NAT1: variants seen among roughly 807,000 people sequenced by gnomAD.
NAT1 encodes N-acetyltransferase 1.
For synonymous variants in NAT1, 144 were observed against 122.6 expected (o/e 1.17, Z -1.16); for missense variants, 400 against 339.2 (o/e 1.18, Z -1.41).
chr8:18,211,219 G>T (rs1589104208), intron 1 of NAT1: 1 of 152,220 alleles, frequency 6.6e-6, no homozygotes, highest in East Asian at 1.9e-4. Context: ...CCTGAACATG[G>T]ACTTGCAGAA....
intron 2 of NAT1, among the ~76,000 whole-genome samples, chr8:18,188,675 A>G (rs2027925): frequency 0.011 from 1,615 of 151,938 alleles, 81 homozygotes; most frequent in Admixed American, 0.084. Flanking sequence ...TAATTTTTTA[A>G]TTGATATGTA....
chr8:18,222,145 G>T lies in NAT1; in HGVS notation c.98G>T (p.Arg33Leu). The T allele has an allele frequency of 1.9e-6, 3 of 1,614,086 alleles. No homozygotes were observed. Among genetic ancestry groups the T allele is most frequent in the Non-Finnish European group, 2.5e-6 (3 of 1,179,996 alleles). The change falls in exon 3 of 3, where the codon CGA becomes CTA. Residue 33 changes from arginine to leucine, a missense_variant. Physicochemically the swap from Arg to Leu is moderately radical, Grantham distance 102. Coordinates refer to ENST00000307719, the MANE Select transcript of NAT1 (RefSeq NM_000662.8). ...TLTDILQHQI[R>L]AVPFENLNIH... ...ACTGACATTCTTCAACACCAGATCC[G>T]AGCTGTTCCCTTTGAGAACCTTAAC... is the stretch of plus-strand genomic sequence containing the variant.
At chr8:18,192,419 G>C (rs1256938923) in intron 2 of NAT1, among the ~76,000 whole-genome samples, 1 of 152,202 alleles carries the variant, frequency 6.6e-6, no homozygotes, top group African/African-American at 2.4e-5. Flanking sequence ...AACCATTGTG[G>C]AAGTCAGTGT....
intron 1 of NAT1, among the ~76,000 whole-genome samples, chr8:18,217,899 A>G (rs1205522507): frequency 6.6e-6 from 1 of 152,122 alleles, no homozygotes; most frequent in Non-Finnish European, 1.5e-5. Context: ...GGGCAATTCC[A>G]TTTGCGGCTT....
chr8:18,214,147 A>G (rs559479358), intron 1 of NAT1, among the ~76,000 whole-genome samples: 17 of 152,140 alleles, frequency 1.1e-4, no homozygotes, highest in Non-Finnish European at 1.8e-4. Flanking sequence ...ATAAGCCAAA[A>G]TGGCTTGTTC....
intron 1 of NAT1, among the ~76,000 whole-genome samples, chr8:18,217,706 G>A (rs1804826784): frequency 6.6e-6 from 1 of 152,168 alleles, no homozygotes; most frequent in South Asian, 2.1e-4. Flanking sequence ...GAGTATAGCT[G>A]ATAAAACGGC....
chr8:18,217,059 T>C (rs1804749819), intron 1 of NAT1: 3 of 1,088,704 alleles, frequency 2.8e-6, no homozygotes, highest in Admixed American at 2.3e-5. Flanking sequence ...AACTTGTAGA[T>C]TGGGTGCTGT....
intron 1 of NAT1, among the ~76,000 whole-genome samples, chr8:18,214,851 G>A (rs1050879435): frequency 1.3e-5 from 2 of 152,124 alleles, no homozygotes; most frequent in Non-Finnish European, 2.9e-5. Flanking sequence ...CCTCCAACCT[G>A]TGAAAGGCCC....
chr8:18,207,204 GT>G (rs1204940166), upstream of NAT1, among the ~76,000 whole-genome samples: 1 of 152,030 alleles, frequency 6.6e-6, no homozygotes, highest in African/African-American at 2.4e-5. Flanking sequence ...TTATTTTTGA[GT>G]TTCTCTATTC....
At chr8:18,181,257 T>C (rs944017527) in intron 2 of NAT1, among the ~76,000 whole-genome samples, 10 of 152,186 alleles carry the variant, frequency 6.6e-5, no homozygotes, top group African/African-American at 2.4e-4. Flanking sequence ...AAAGTAGCTA[T>C]TCAGTAGGAT....
intron 1 of NAT1, among the ~76,000 whole-genome samples, chr8:18,216,432 C>A (rs1052359138): frequency 1.3e-5 from 2 of 152,080 alleles, no homozygotes. Flanking sequence ...AAGCTCGAGT[C>A]AGGGCAATCA....
intron 2 of NAT1, among the ~76,000 whole-genome samples, chr8:18,177,997 T>C (rs1802356908): frequency 6.6e-6 from 1 of 152,126 alleles, no homozygotes; most frequent in Admixed American, 6.6e-5. Flanking sequence ...ACTTTCTCTC[T>C]TCTTACATCC....
At chr8:18,215,978 G>A (rs547124327) in intron 1 of NAT1, among the ~76,000 whole-genome samples, 1 of 152,268 alleles carries the variant, frequency 6.6e-6, no homozygotes, top group Non-Finnish European at 1.5e-5. Context: ...AAGGGGAAAG[G>A]ATGGGATATC....
chr8:18,207,879 T>C (rs569869164), upstream of NAT1, among the ~76,000 whole-genome samples: 1 of 152,220 alleles, frequency 6.6e-6, no homozygotes, highest in Admixed American at 6.5e-5. Flanking sequence ...TGCCTGTCAT[T>C]GGCAGACTAA....
At chr8:18,221,879 A>G in intron 2 of NAT1, 163 bp from the exon 3 acceptor site, 1 of 692,498 alleles carries the variant, frequency 1.4e-6, no homozygotes, top group Non-Finnish European at 2.3e-6. Context: ...TATTAACTGA[A>G]CTTATGTGTG....
upstream of NAT1, among the ~76,000 whole-genome samples, chr8:18,206,661 G>T (rs1281498719): frequency 6.6e-6 from 1 of 152,110 alleles, no homozygotes; most frequent in Non-Finnish European, 1.5e-5. Flanking sequence ...TTTTAATGGG[G>T]TTGCTTGTTT....
At chr8:18,184,843 T>G (rs763396563) in intron 2 of NAT1, among the ~76,000 whole-genome samples, 14 of 152,192 alleles carry the variant, frequency 9.2e-5, no homozygotes, top group Non-Finnish European at 1.6e-4. Flanking sequence ...TCTAGAACAT[T>G]TCACCAGTTT....
At chr8:18,217,207 C>A (rs1054385535) in intron 1 of NAT1, among the ~76,000 whole-genome samples, 7 of 152,174 alleles carry the variant, frequency 4.6e-5, no homozygotes, top group Non-Finnish European at 1.0e-4. Flanking sequence ...AATTTGGTAT[C>A]CAGTTTCTAC....
chr8:18,181,599 T>G (rs1281648974), intron 2 of NAT1, among the ~76,000 whole-genome samples: 1 of 152,170 alleles, frequency 6.6e-6, no homozygotes, highest in Non-Finnish European at 1.5e-5. Context: ...CTTCTAGTAC[T>G]ATTAATATGT....
Sources: gnomAD v4.1 joint callset for allele counts (sites outside exome capture counted in the v4.1 genomes callset) on GRCh38, gnomAD v4.1.1 for gene constraint, MANE v1.5 for transcripts, NCBI Gene and HGNC (gene_info 2026-07-23, HGNC 2026-07-21) for gene names.